The following CNTN6 variants were observed in gnomAD, a reference collection of about 807,000 sequenced individuals.
The protein encoded by CNTN6 is contactin-6.
Under a neutral mutation model 122.8 loss-of-function variants are expected in CNTN6, and 137 were observed. The ratio of observed to expected loss-of-function variants is 1.12; its 90% CI spans 0.97 to 1.29. The LOEUF (loss-of-function observed/expected upper bound fraction) is 1.29. Ranked by LOEUF, CNTN6 falls within the 50% of genes most tolerant of loss-of-function variation. The pLI is 0.00. For missense variants in CNTN6, 1,634 were observed against 1,223.4 expected, an observed-to-expected ratio of 1.34 and a Z score of -5.01; for synonymous variants, 570 against 426.0, an observed-to-expected ratio of 1.34 and a Z score of -4.16.
At chr3:1,294,064 A>G (rs1483939365) in intron 5 of CNTN6, among the ~76,000 whole-genome samples, 1 of 152,160 alleles carries the variant, frequency 6.6e-6, no homozygotes, top group Non-Finnish European at 1.5e-5. Context: ...TTTCTTATAA[A>G]GTTACACTTA....
intron 1 of CNTN6, among the ~76,000 whole-genome samples, chr3:1,127,643 G>A (rs1486666379): frequency 2.6e-5 from 4 of 151,802 alleles, no homozygotes; most frequent in African/African-American, 7.3e-5. Context: ...AAAAATAATA[G>A]GTTGATTGAA....
chr3:1,210,680 C>T (rs1325689122), intron 2 of CNTN6, among the ~76,000 whole-genome samples: 1 of 152,082 alleles, frequency 6.6e-6, no homozygotes, highest in Admixed American at 6.6e-5. Context: ...CAGCTCTGGA[C>T]TATTAATAGG....
At chr3:1,275,401 C>T (rs985025297) in intron 4 of CNTN6, among the ~76,000 whole-genome samples, 3 of 152,122 alleles carry the variant, frequency 2.0e-5, no homozygotes, top group Non-Finnish European at 4.4e-5. Context: ...ATATGACCAA[C>T]ATTGTTTTGT....
chr3:1,144,381 C>A (rs910211155), intron 1 of CNTN6, among the ~76,000 whole-genome samples: 1 of 151,882 alleles, frequency 6.6e-6, no homozygotes, highest in East Asian at 1.9e-4. Flanking sequence ...TTCAACACCA[C>A]CCTGGCCAAC....
intron 12 of CNTN6, among the ~76,000 whole-genome samples, chr3:1,360,823 C>G (rs1022234725): frequency 9.9e-5 from 15 of 152,082 alleles, no homozygotes; most frequent in Admixed American, 2.0e-4. Context: ...ACTCCTGATT[C>G]TTACTCCCCA....
At chr3:1,181,125 T>C (rs2093547178) in intron 2 of CNTN6, among the ~76,000 whole-genome samples, 1 of 152,184 alleles carries the variant, frequency 6.6e-6, no homozygotes, top group South Asian at 2.1e-4. Flanking sequence ...TTTTCCCCTT[T>C]GATCTTGGCA....
chr3:1,245,313 T>TATATATA (rs2094565727), intron 4 of CNTN6, among the ~76,000 whole-genome samples: 1 of 17,516 alleles, frequency 5.7e-5, no homozygotes. Context: ...TATATATATA[T>TATATATA]ATATATATAT....
intron 4 of CNTN6, among the ~76,000 whole-genome samples, chr3:1,237,583 C>G (rs1444373815): frequency 6.6e-6 from 1 of 152,066 alleles, no homozygotes; most frequent in Non-Finnish European, 1.5e-5. Flanking sequence ...AGATAATCAC[C>G]TAGGCATATA....
chr3:1,282,534 T>G (rs1693648154), intron 5 of CNTN6, among the ~76,000 whole-genome samples: 1 of 152,244 alleles, frequency 6.6e-6, no homozygotes, highest in African/African-American at 2.4e-5. Flanking sequence ...TGATTGTAAC[T>G]GAATCTCTGT....
Position 1,103,923 on chromosome 3 carries a change from C to G in CNTN6, c.-83+10803C>G, listed in dbSNP as rs532232556. ...TACATGAAACGGTCTTCAATTCGTA[C>G]AAAAATTCTAGTTAATTCTGATAAA... On this transcript the variant is annotated intron_variant, in intron 1 of 22. Coordinates refer to ENST00000446702, the MANE Select transcript of CNTN6 (RefSeq NM_001289080.2). Among the ~76,000 whole-genome samples the G allele has an allele frequency of 1.4e-3, 218 of 152,068 alleles. 1 individual carries two copies. Among genetic ancestry groups the G allele is most frequent in the African/African-American group, 5.0e-3 (208 of 41,472 alleles).
intron 19 of CNTN6, among the ~76,000 whole-genome samples, chr3:1,384,501 G>C (rs1185049832): frequency 4.2e-5 from 6 of 143,586 alleles, no homozygotes; most frequent in African/African-American, 1.8e-4. Context: ...TACATTTGTA[G>C]GCCTTCATCT....
intron 4 of CNTN6, among the ~76,000 whole-genome samples, chr3:1,275,306 T>G (rs1692132371): frequency 6.6e-6 from 1 of 152,210 alleles, no homozygotes; most frequent in South Asian, 2.1e-4. Context: ...GATCTCCATG[T>G]CCTTATCTGC....
intron 7 of CNTN6, among the ~76,000 whole-genome samples, chr3:1,310,700 G>A (rs895368110): frequency 6.6e-6 from 1 of 152,060 alleles, no homozygotes; most frequent in Non-Finnish European, 1.5e-5. Flanking sequence ...AGAAATGTAT[G>A]TACATCAAGA....
intron 4 of CNTN6, among the ~76,000 whole-genome samples, chr3:1,228,531 T>C (rs1042387503): frequency 2.0e-5 from 3 of 152,206 alleles, no homozygotes; most frequent in South Asian, 2.1e-4. Context: ...TGGTGACATT[T>C]GGGGACATTA....
chr3:1,403,160 A>G (rs1172035497), intron 22 of CNTN6, among the ~76,000 whole-genome samples, 158 bp from the exon 23 acceptor site: 1 of 152,120 alleles, frequency 6.6e-6, no homozygotes. Context: ...AGACACGGTA[A>G]GGCACTTTCT....
chr3:1,384,750 CATATATATACATATATAT>C (rs1438396085), intron 19 of CNTN6, among the ~76,000 whole-genome samples: 13 of 99,748 alleles, frequency 1.3e-4, no homozygotes, highest in African/African-American at 7.5e-4. Flanking sequence ...CATATATACA[CATATATATACATATATAT>C]ACACATATAT....
At chr3:1,352,291 C>G (rs754413652) in intron 11 of CNTN6, 33 bp from the exon 12 acceptor site, 1 of 1,468,938 alleles carries the variant, frequency 6.8e-7, no homozygotes. Flanking sequence ...GTTGAAGAGC[C>G]TTACTTCTAT....
At chr3:1,385,367 T>C (rs190096125) in intron 19 of CNTN6, among the ~76,000 whole-genome samples, 12 of 152,334 alleles carry the variant, frequency 7.9e-5, no homozygotes, top group Admixed American at 7.2e-4. Context: ...TTTATTTTGG[T>C]AATCTAAAAA....
rs1699564097 is a variant in CNTN6 at position 1,312,763 on chromosome 3, G to T, written c.762-8887G>T. On this transcript the variant is annotated intron_variant, in intron 7 of 22. Transcript: ENST00000446702. ...AATTCATGCAGGGGGAGCAAAGCAT[G>T]GTGATTTAGAGCTCCATGTCTGTGG... Among the ~76,000 whole-genome samples the T allele has an allele frequency of 1.3e-5, 2 of 151,382 alleles. 1 individual carries two copies. The highest frequency in any genetic ancestry group is 4.2e-4 in the South Asian group (2 of 4,806).
Sources: allele counts gnomAD v4.1 joint callset (sites outside exome capture counted in the v4.1 genomes callset), GRCh38; gene constraint gnomAD v4.1.1; transcripts MANE v1.5; gene names NCBI Gene and HGNC (gene_info 2026-07-23, HGNC 2026-07-21).